Variants in NLRC4 observed in about 807,000 individuals in gnomAD.
The protein encoded by NLRC4 is NLR family CARD domain-containing protein 4.
Under a neutral mutation model 79.9 loss-of-function variants are expected in NLRC4, and 63 were observed. That is an observed-to-expected ratio of 0.79 (90% CI 0.64 to 0.97). The LOEUF (loss-of-function observed/expected upper bound fraction) is 0.97. Ranked by LOEUF, NLRC4 falls within the 50% of genes least tolerant of loss-of-function variation. NLRC4 has a pLI of 0.00. For missense variants in NLRC4, 1,074 were observed against 1,215.2 expected (o/e 0.88, Z 1.73); for synonymous variants, 461 against 456.5 (o/e 1.01, Z -0.12).
intron 1 of NLRC4, among the ~76,000 whole-genome samples, chr2:32,259,840 C>T (rs541897706): frequency 4.6e-5 from 7 of 151,418 alleles, no homozygotes; most frequent in South Asian, 2.1e-4. Flanking sequence ...TCCTTTCATT[C>T]CACACAATGT....
chr2:32,260,751 C>G (rs924804440), intron 1 of NLRC4, among the ~76,000 whole-genome samples: 1 of 152,154 alleles, frequency 6.6e-6, no homozygotes, highest in Non-Finnish European at 1.5e-5. Context: ...CAACATAGTG[C>G]CGGCCAGATA....
At position 32,249,892 on chromosome 2, in the gene NLRC4, C is replaced by G. The variant is rs751001500; in HGVS notation, c.1972G>C (p.Glu658Gln). ...AGTGTGACCTCCAGAGTCCTGAATT[C>G]CTGCTTCCAGTTGAAGAACAAAGAT... Reference protein sequence around the residue: ...AVSLFFNWKQEFRTLEVTLRD... With the variant: ...AVSLFFNWKQQFRTLEVTLRD... Residue 658 changes from glutamate to glutamine, a missense_variant, in exon 4 of 9, where the codon GAA becomes CAA. Physicochemically the swap from Glu to Gln is conservative, Grantham distance 29. Transcript: ENST00000402280. 16 of 1,614,170 alleles carry G rather than the reference C, an allele frequency of 9.9e-6. 1 individual carries two copies. The South Asian group carries it at 1.8e-4, about 18-fold the overall frequency.
intron 6 of NLRC4, 38 bp from the exon 7 acceptor site, chr2:32,236,377 A>G: frequency 7.8e-7 from 1 of 1,280,030 alleles, no homozygotes; most frequent in Non-Finnish European, 1.1e-6. Context: ...AAAGATTTTC[A>G]GGTAAATATA....
intron 1 of NLRC4, among the ~76,000 whole-genome samples, chr2:32,262,242 A>G (rs535277782): frequency 1.4e-4 from 22 of 152,154 alleles, no homozygotes; most frequent in African/African-American, 4.8e-4. Context: ...CACAGGAAGG[A>G]CTCAGTGAAT....
chr2:32,257,034 T>C, intron 1 of NLRC4, 141 bp from the exon 2 acceptor site: 1 of 461,760 alleles, frequency 2.2e-6, no homozygotes, highest in Non-Finnish European at 3.9e-6. Flanking sequence ...TGGCTATTCA[T>C]GGCCAGGCCC....
At chr2:32,234,106 G>T (rs1160383725) in intron 8 of NLRC4, among the ~76,000 whole-genome samples, 2 of 152,196 alleles carry the variant, frequency 1.3e-5, no homozygotes, top group Admixed American at 1.3e-4. Flanking sequence ...ATAGGGCCGG[G>T]TGCGGTGGCT....
chr2:32,234,472 G>T (rs1686627111), intron 8 of NLRC4, among the ~76,000 whole-genome samples: 1 of 152,206 alleles, frequency 6.6e-6, no homozygotes, highest in African/African-American at 2.4e-5. Flanking sequence ...TAAGAGAAAT[G>T]AAGGCAATCG....
chr2:32,255,312 G>A (rs1162627668), intron 2 of NLRC4, among the ~76,000 whole-genome samples: 1 of 151,774 alleles, frequency 6.6e-6, no homozygotes, highest in Non-Finnish European at 1.5e-5. Context: ...TCTGAGGTCG[G>A]GAGTTCGAGA....
At chr2:32,255,610 T>C (rs1450131783) in intron 2 of NLRC4, among the ~76,000 whole-genome samples, 5 of 151,572 alleles carry the variant, frequency 3.3e-5, no homozygotes, top group African/African-American at 1.2e-4. Flanking sequence ...TTCCTGAGAC[T>C]ACCTTTCTTC....
chr2:32,251,818 C>T (rs552584146), intron 3 of NLRC4, among the ~76,000 whole-genome samples: 1 of 152,232 alleles, frequency 6.6e-6, no homozygotes, highest in African/African-American at 2.4e-5. Flanking sequence ...TTCCTCCTTT[C>T]CACAACCAAA....
chr2:32,241,794 AAAC>A (rs1266162210), intron 4 of NLRC4, among the ~76,000 whole-genome samples: 1 of 151,466 alleles, frequency 6.6e-6, no homozygotes, highest in African/African-American at 2.4e-5. Context: ...ATAAAAATAA[AAAC>A]AAAACTTCAA....
chr2:32,260,584 G>GAAA (rs1245410020), intron 1 of NLRC4, among the ~76,000 whole-genome samples: 1 of 152,136 alleles, frequency 6.6e-6, no homozygotes, highest in Non-Finnish European at 1.5e-5. Context: ...AAAGCAGCCT[G>GAAA]AAAAATCAAG....
At chr2:32,232,830 T>C (rs1686569978) in intron 8 of NLRC4, among the ~76,000 whole-genome samples, 1 of 152,182 alleles carries the variant, frequency 6.6e-6, no homozygotes, top group Middle Eastern at 3.4e-3. Context: ...GAGGTTGTGG[T>C]TTGAGAATGG....
At chr2:32,257,619 A>G (rs1266010227) in intron 1 of NLRC4, among the ~76,000 whole-genome samples, 1 of 151,818 alleles carries the variant, frequency 6.6e-6, no homozygotes, top group Non-Finnish European at 1.5e-5. Flanking sequence ...AAAGAAAAAA[A>G]AAAAAAAAAA....
rs1455980346 is a variant in NLRC4, at chr2:32,252,603, G to A, written c.78C>T (p.Asp26=). ...GATTCAGAACATTCCATACAAATAG[G>A]TCATCTGTGATTTGCTTTATAACAG... ...GMTVIKQITD[D]LFVWNVLNRE... is the part of the protein sequence containing the mutation. Residue 26 remains aspartate (D), a synonymous_variant, in exon 3 of 9, where the codon GAC becomes GAT. Coordinates refer to ENST00000402280, the MANE Select transcript of NLRC4 (RefSeq NM_001199138.2). The A allele has an allele frequency of 1.2e-6, 2 of 1,613,780 alleles. No homozygotes were observed. Among genetic ancestry groups the A allele is most frequent in the Non-Finnish European group, 1.7e-6 (2 of 1,179,790 alleles).
In NLRC4 at chr2:32,250,575, T is replaced by C; in HGVS notation, c.1289A>G (p.Tyr430Cys). The C allele has an allele frequency of 1.2e-6, 2 of 1,614,176 alleles. No homozygotes were observed. The highest frequency in any genetic ancestry group is 1.7e-6 in the Non-Finnish European group (2 of 1,180,026). ...CTTTGGCTTGAACCTTTGAGCTGTA[T>C]ATTTACAGAGGAGCCCAGTTGTCAG... ...VLLTTGLLCK[Y>C]TAQRFKPKYK... is the part of the protein sequence containing the mutation. The change falls in exon 4 of 9, where the codon TAT becomes TGT. Residue 430 changes from tyrosine to cysteine, a missense_variant. Coordinates refer to ENST00000402280, the MANE Select transcript of NLRC4 (RefSeq NM_001199138.2). This position sits in a 1 kb window ranked among gnomAD's most constrained non-coding sequence, Gnocchi z 4.9.
intron 4 of NLRC4, among the ~76,000 whole-genome samples, chr2:32,244,097 A>G (rs1686873589): frequency 1.3e-5 from 2 of 152,152 alleles, no homozygotes; most frequent in African/African-American, 4.8e-5. Context: ...AAAAAATTTA[A>G]AAATTAACCA....
Position 32,224,781 on chromosome 2 carries a change from AG to A in NLRC4, c.2783-17del. ...AAAAATGCACCTGGGTAAAGAAATAAGTATATTAGTTGGAAGAAAAATTTTT... is the reference window on the plus strand; with the variant it reads ...AAAAATGCACCTGGGTAAAGAAATAATATATTAGTTGGAAGAAAAATTTTT... On this transcript the variant is annotated splice_polypyrimidine_tract_variant and intron_variant, in intron 8 of 8. Transcript: ENST00000402280. 6 of 1,464,042 alleles carry A rather than the reference AG, an allele frequency of 4.1e-6. No individual in the cohort carries two copies. Among genetic ancestry groups the A allele is most frequent in the Non-Finnish European group, 5.5e-6 (6 of 1,094,128 alleles). The allele number at this position is 1,464,042 out of a possible 1,614,324, so 90.7% of individuals were successfully genotyped here. A position where few individuals can be genotyped will look rare whatever the true frequency, so the allele number is the denominator to read the frequency against.
chr2:32,249,720 TA>T lies in NLRC4; in HGVS notation c.2143del (p.Tyr715IlefsTer12). On this transcript the variant is annotated frameshift_variant, in exon 4 of 9. Transcript: ENST00000402280. LOFTEE classifies it high-confidence loss of function. ...SLVLSTCKNIYSLMVEASPLT... is the reference protein window; with the variant it reads ...SLVLSTCKNIXSLMVEASPLT... ...GGGACTGGCTTCCACCATGAGAGAA[TA>T]AATGTTCTTACAGGTGCTGAGGACC... 1 of 1,614,192 alleles carries T rather than the reference TA, an allele frequency of 6.2e-7. No individual in the cohort carries two copies. Among genetic ancestry groups the T allele is most frequent in the Non-Finnish European group, 8.5e-7 (1 of 1,180,010 alleles).
Sources: gnomAD v4.1 joint callset for allele counts (sites outside exome capture counted in the v4.1 genomes callset) on GRCh38, gnomAD v4.1.1 for gene constraint, Gnocchi (gnomAD v3.1) non-coding constraint, MANE v1.5 for transcripts, NCBI Gene and HGNC (gene_info 2026-07-23, HGNC 2026-07-21) for gene names.